The following RPL39L variants were observed in gnomAD, a reference collection of about 807,000 sequenced individuals.
RPL39L encodes ribosomal protein eL39-like 2.
For missense variants in RPL39L, 48 were observed against 58.9 expected (o/e 0.81, Z 0.61); for synonymous variants, 16 against 20.1 (o/e 0.80, Z 0.55).
intron 1 of RPL39L, among the ~76,000 whole-genome samples, chr3:187,135,774 C>A (rs1019563152): frequency 6.6e-6 from 1 of 152,202 alleles, no homozygotes; most frequent in African/African-American, 2.4e-5. Flanking sequence ...TGAGGCTGGG[C>A]AACTTATAAC....
chr3:187,122,417 T>C (rs370272524), intron 2 of RPL39L, among the ~76,000 whole-genome samples: 1 of 151,770 alleles, frequency 6.6e-6, no homozygotes, highest in Non-Finnish European at 1.5e-5. Flanking sequence ...ATAATGGGGA[T>C]AGTGGTAGTG....
At chr3:187,137,172 T>G (rs1315238749) in intron 1 of RPL39L, among the ~76,000 whole-genome samples, 1 of 124,876 alleles carries the variant, frequency 8.0e-6, no homozygotes, top group East Asian at 2.4e-4. Context: ...GCACTCCAGC[T>G]TGGGCAACAG....
At chr3:187,125,108 AGAC>A (rs1720375974) in intron 2 of RPL39L, among the ~76,000 whole-genome samples, 1 of 152,220 alleles carries the variant, frequency 6.6e-6, no homozygotes, top group Non-Finnish European at 1.5e-5. Flanking sequence ...CCTACATCCC[AGAC>A]AACAAAACAC....
chr3:187,121,497 G>A (rs185310771), intron 2 of RPL39L, among the ~76,000 whole-genome samples, 169 bp from the exon 3 acceptor site: 25 of 152,298 alleles, frequency 1.6e-4, no homozygotes, highest in African/African-American at 5.8e-4. Context: ...AGCCAGCAGC[G>A]GTCTGAGGAG....
chr3:187,131,822 A>T (rs76716622), intron 1 of RPL39L, among the ~76,000 whole-genome samples: 103 of 152,326 alleles, frequency 6.8e-4, no homozygotes, highest in African/African-American at 2.4e-3. Context: ...TTATTTTTAT[A>T]TCTACAGCTG....
intron 1 of RPL39L, among the ~76,000 whole-genome samples, chr3:187,137,427 C>T (rs2108471417): frequency 6.6e-6 from 1 of 152,136 alleles, no homozygotes; most frequent in Admixed American, 6.5e-5. Flanking sequence ...GGAGGATCAC[C>T]TGAACCCGGG....
chr3:187,138,884 A>AC (rs1198216084), intron 1 of RPL39L, among the ~76,000 whole-genome samples: 1 of 151,870 alleles, frequency 6.6e-6, no homozygotes, highest in Non-Finnish European at 1.5e-5. Context: ...ATATGGTGAA[A>AC]CCCGTCTTTA....
chr3:187,121,010 A>T lies in RPL39L; in HGVS notation c.*135T>A, dbSNP rs1271534004. ...TCCACCCTACTAGCACAGAGCATAC[A>T]GAAAAACAGAAAAAAATATTCCCAG... On this transcript the variant is annotated 3_prime_UTR_variant, in exon 3 of 3. Transcript: ENST00000296277. 6 of 994,292 alleles carry T rather than the reference A, an allele frequency of 6.0e-6. No individual in the cohort carries two copies. In the Admixed American group the frequency reaches 1.2e-4, roughly 20 times the overall value. The allele number at this position is 994,292 out of a possible 1,614,324, so 61.6% of individuals were successfully genotyped here.
chr3:187,125,610 C>G (rs954432250), intron 2 of RPL39L, among the ~76,000 whole-genome samples: 1 of 151,666 alleles, frequency 6.6e-6, no homozygotes, highest in Non-Finnish European at 1.5e-5. Flanking sequence ...CAGTGAGATA[C>G]TAGATCCCCC....
At chr3:187,132,569 T>G (rs1373174401) in intron 1 of RPL39L, among the ~76,000 whole-genome samples, 1 of 152,242 alleles carries the variant, frequency 6.6e-6, no homozygotes, top group Non-Finnish European at 1.5e-5. Context: ...AGAACTTCCC[T>G]GCTTTAGTAA....
In RPL39L at chr3:187,136,742, TATA is replaced by T. The variant is rs1446117895; in HGVS notation, c.-93+2468_-93+2470del. ...TTGTAATAGTGTTTTCCCAAAGAAA[TATA>T]ATGTGAGCCCCACATATAGTTACAA... On this transcript the variant is annotated intron_variant, in intron 1 of 2. Transcript: ENST00000296277. Among the ~76,000 whole-genome samples, 4 of 152,286 alleles carry T rather than the reference TATA, an allele frequency of 2.6e-5. No homozygotes were observed. In the East Asian group the frequency reaches 5.8e-4, roughly 22 times the overall value.
chr3:187,137,149 T>C (rs933435241), intron 1 of RPL39L, among the ~76,000 whole-genome samples: 1 of 134,180 alleles, frequency 7.5e-6, no homozygotes, highest in Non-Finnish European at 1.5e-5. Flanking sequence ...TAGTGAGTCA[T>C]GATTGAGTCA....
At position 187,121,143 on chromosome 3, in the gene RPL39L, C is replaced by G; in HGVS notation, c.*2G>C. 6.2e-7 allele frequency: 1 copy of G among 1,613,300 alleles called. No homozygotes were observed. ...TATGTGTGCCATCTCATGTGCAATT[C>G]CTTATAGACCCAGCTTGGTTCTTCT... On this transcript the variant is annotated 3_prime_UTR_variant, in exon 3 of 3. Coordinates refer to ENST00000296277, the MANE Select transcript of RPL39L (RefSeq NM_052969.3).
At chr3:187,129,539 A>C (rs1043809285) in intron 1 of RPL39L, among the ~76,000 whole-genome samples, 5 of 152,258 alleles carry the variant, frequency 3.3e-5, no homozygotes, top group African/African-American at 1.2e-4. Flanking sequence ...CGTTCTACAA[A>C]AGGACATCCT....
chr3:187,131,092 T>C (rs984524560), intron 1 of RPL39L, among the ~76,000 whole-genome samples: 5 of 152,232 alleles, frequency 3.3e-5, no homozygotes, highest in Non-Finnish European at 7.3e-5. Context: ...AAGGCTTTTT[T>C]CACATATACA....
intron 2 of RPL39L, 136 bp from the exon 3 acceptor site, chr3:187,121,464 AGGCAGCTCAGG>A: frequency 1.2e-6 from 1 of 823,374 alleles, no homozygotes; most frequent in Non-Finnish European, 1.9e-6. Context: ...AGGATCCCAC[AGGCAGCTCAGG>A]AGCAGCTCAG....
intron 1 of RPL39L, among the ~76,000 whole-genome samples, chr3:187,132,196 G>A (rs1004981570): frequency 6.6e-6 from 1 of 152,228 alleles, no homozygotes; most frequent in African/African-American, 2.4e-5. Flanking sequence ...TATGCCCCCA[G>A]GCAGCTGATA....
At chr3:187,134,483 T>TTAAA (rs766343564) in intron 1 of RPL39L, among the ~76,000 whole-genome samples, 4 of 93,408 alleles carry the variant, frequency 4.3e-5, no homozygotes, top group African/African-American at 1.7e-4. Context: ...GCCTGACTGA[T>TTAAA]AAAAAAAAAA....
chr3:187,121,149 A>T lies in RPL39L; in HGVS notation c.152T>A (p.Leu51Gln). 6.2e-7 allele frequency: 1 copy of T among 1,613,574 alleles called. No homozygotes were observed. The highest frequency in any genetic ancestry group is 8.5e-7 in the Non-Finnish European group (1 of 1,179,834). The change falls in exon 3 of 3, where the codon CTA (leucine) becomes CAA (glutamine). Residue 51 changes from leucine to glutamine, a missense_variant. Physicochemically the swap from Leu to Gln is moderately radical, Grantham distance 113. Transcript: ENST00000296277. ...TGCCATCTCATGTGCAATTCCTTAT[A>T]GACCCAGCTTGGTTCTTCTCCAATG... ...RRHWRRTKLG[L>Q] is the part of the protein sequence containing the mutation.
Sources: gnomAD v4.1 joint callset for allele counts (sites outside exome capture counted in the v4.1 genomes callset) on GRCh38, gnomAD v4.1.1 for gene constraint, MANE v1.5 for transcripts, NCBI Gene and HGNC (gene_info 2026-07-23, HGNC 2026-07-21) for gene names.